The following IPO5 variants were observed in gnomAD, a reference collection of about 807,000 sequenced individuals.
The protein encoded by IPO5 is importin 5.
A neutral mutation model predicts 143.3 loss-of-function variants in IPO5; 18 were observed. The ratio of observed to expected loss-of-function variants is 0.13; its 90% confidence interval spans 0.09 to 0.19. The LOEUF (loss-of-function observed/expected upper bound fraction) is 0.19, where lower values mean the gene tolerates loss of function less well. IPO5 is among the 10% of genes least tolerant of loss of function. The pLI is 1.00. For missense variants in IPO5, 1,013 were observed against 1,336.9 expected (o/e 0.76, Z 3.78); for synonymous variants, 477 against 465.7 (o/e 1.02, Z -0.31).
intron 12 of IPO5, among the ~76,000 whole-genome samples, chr13:97,999,000 G>A (rs367598093): frequency 4.0e-5 from 6 of 151,898 alleles, no homozygotes; most frequent in South Asian, 2.1e-4. Flanking sequence ...AAAATTAGCC[G>A]GGCCTGGTGG....
chr13:98,015,670 T>TA, intron 23 of IPO5, 29 bp downstream of exon 23: 1 of 1,583,212 alleles, frequency 6.3e-7, no homozygotes, highest in Non-Finnish European at 8.6e-7. Context: ...TATTTCTGAA[T>TA]ATAATCCTTG....
intron 2 of IPO5, among the ~76,000 whole-genome samples, chr13:97,967,968 T>C (rs893098996): frequency 6.6e-6 from 1 of 151,998 alleles, no homozygotes; most frequent in Non-Finnish European, 1.5e-5. Context: ...TTTTTTTCAA[T>C]ATAGAGAAGG....
intron 2 of IPO5, among the ~76,000 whole-genome samples, chr13:97,966,435 T>C (rs1885343935): frequency 6.6e-6 from 1 of 152,220 alleles, no homozygotes; most frequent in African/African-American, 2.4e-5. Context: ...ACATTGATTT[T>C]CATATGTTAT....
At chr13:98,014,524 G>A (rs1889967406) in intron 22 of IPO5, among the ~76,000 whole-genome samples, 1 of 152,090 alleles carries the variant, frequency 6.6e-6, no homozygotes, top group African/African-American at 2.4e-5. Context: ...CAGAGTGCTG[G>A]GATTGCAGAT....
chr13:97,975,828 C>A, intron 3 of IPO5: 2 of 684,172 alleles, frequency 2.9e-6, no homozygotes, highest in Non-Finnish European at 1.8e-6. Flanking sequence ...AAGACGACCG[C>A]GGGCTGGGGA....
intron 28 of IPO5, 52 bp downstream of exon 28, chr13:98,021,185 TGTAGTCCTC>T: frequency 6.7e-7 from 1 of 1,501,918 alleles, no homozygotes; most frequent in Middle Eastern, 1.7e-4. Flanking sequence ...TTTTTTTCTT[TGTAGTCCTC>T]TATGAGAAGA....
rs756311803 is a variant in IPO5, at chr13:97,985,528, A to G, written c.279A>G (p.Leu93=). The G allele has an allele frequency of 1.2e-5, 20 of 1,613,878 alleles. No individual in the cohort carries two copies. The Middle Eastern group carries it at 6.6e-4, about 53-fold the overall frequency. ...SDVQTAIKSE[L]LMIIQMETQS... ...TTCAGACTGCCATCAAGAGTGAGCT[A>G]CTCATGATTATTCAGATGGAAACAC... is the stretch of plus-strand genomic sequence containing the variant. Residue 93 remains leucine, a synonymous_variant, in exon 6 of 29, where the codon CTA becomes CTG. Coordinates refer to ENST00000651721, the MANE Select transcript of IPO5 (RefSeq NM_002271.6).
chr13:97,955,609 T>C (rs906968558), intron 2 of IPO5, among the ~76,000 whole-genome samples: 4 of 152,106 alleles, frequency 2.6e-5, no homozygotes, highest in African/African-American at 7.2e-5. Flanking sequence ...CACAACCCAG[T>C]GACATAACCG....
intron 2 of IPO5, among the ~76,000 whole-genome samples, chr13:97,956,451 T>C (rs1936617906): frequency 6.6e-6 from 1 of 152,182 alleles, no homozygotes; most frequent in South Asian, 2.1e-4. Flanking sequence ...ATACCTTTGC[T>C]CTGCCAGAAA....
chr13:97,997,684 A>G (rs1324888754), intron 12 of IPO5, 66 bp downstream of exon 12: 8 of 893,630 alleles, frequency 9.0e-6, no homozygotes, highest in Middle Eastern at 2.2e-4. Context: ...TCTCTTCACT[A>G]TTGCACCCTG....
chr13:97,959,183 A>AG (rs1453051732), intron 2 of IPO5, among the ~76,000 whole-genome samples: 28 of 151,716 alleles, frequency 1.8e-4, no homozygotes, highest in African/African-American at 4.4e-4. Flanking sequence ...AAAAAAAAAA[A>AG]AGAGAGAGAA....
At position 98,021,731 on chromosome 13, in the gene IPO5, C is replaced by A; in HGVS notation, c.3208-5C>A. On this transcript the variant is annotated splice_region_variant and splice_polypyrimidine_tract_variant and intron_variant, in intron 28 of 28. Transcript: ENST00000651721. ...CTAAGTCTGTGAAAATGTTTCTTTC[C>A]CTAGACTTCTGGAGGACTGTGGACT... The A allele has an allele frequency of 1.3e-6, 2 of 1,519,608 alleles. No individual in the cohort carries two copies. The highest frequency in any genetic ancestry group is 1.3e-5 in the South Asian group (1 of 79,078). 94.1% of individuals were successfully genotyped at this position (1,519,608 alleles called of 1,614,324 possible).
At chr13:97,978,327 GT>G in intron 4 of IPO5, among the ~76,000 whole-genome samples, 1 of 152,230 alleles carries the variant, frequency 6.6e-6, no homozygotes, top group South Asian at 2.1e-4. Context: ...CATAAGTGAG[GT>G]TTTGGTCAGC....
At chr13:97,990,727 T>C (rs1338501114) in intron 9 of IPO5, among the ~76,000 whole-genome samples, 190 bp downstream of exon 9, 1 of 152,212 alleles carries the variant, frequency 6.6e-6, no homozygotes, top group Non-Finnish European at 1.5e-5. Context: ...TTTTAGTCTC[T>C]TACAATATTT....
chr13:97,990,069 C>G, intron 7 of IPO5, 57 bp from the exon 8 acceptor site: 2 of 1,046,886 alleles, frequency 1.9e-6, no homozygotes, highest in Admixed American at 3.6e-5. Context: ...CTAGCTCATA[C>G]TTTACCAAGA....
chr13:97,985,370 T>C (rs766901124), intron 5 of IPO5, 51 bp from the exon 6 acceptor site: 1 of 1,405,788 alleles, frequency 7.1e-7, no homozygotes, highest in Non-Finnish European at 1.0e-6. Context: ...AACAGTGAAA[T>C]ACATCAATGG....
intron 9 of IPO5, among the ~76,000 whole-genome samples, chr13:97,991,332 G>A (rs987976261): frequency 2.0e-5 from 3 of 152,186 alleles, no homozygotes; most frequent in Non-Finnish European, 4.4e-5. Context: ...AGACATAATA[G>A]ACTAGGTGGC....
At chr13:97,994,190 C>G (rs1888044863) in intron 11 of IPO5, among the ~76,000 whole-genome samples, 1 of 152,130 alleles carries the variant, frequency 6.6e-6, no homozygotes, top group South Asian at 2.1e-4. Flanking sequence ...CACCGGTAAT[C>G]CCAGCTACTC....
Position 98,002,460 on chromosome 13 carries a change from TC to T in IPO5, c.1109-6del. 6.2e-7 allele frequency: 1 copy of T among 1,613,554 alleles called. No homozygotes were observed. Among genetic ancestry groups the T allele is most frequent in the Non-Finnish European group, 8.5e-7 (1 of 1,179,788 alleles). ...ATTGCTATTCCATCTGTAATTTTTT[TC>T]GGTAGCTGACTGGAAATACCGGCAT... On this transcript the variant is annotated splice_polypyrimidine_tract_variant and splice_region_variant and intron_variant, in intron 13 of 28. Coordinates refer to ENST00000651721, the MANE Select transcript of IPO5 (RefSeq NM_002271.6).
Sources: gnomAD v4.1 joint callset for allele counts (sites outside exome capture counted in the v4.1 genomes callset) on GRCh38, gnomAD v4.1.1 for gene constraint, MANE v1.5 for transcripts, NCBI Gene and HGNC (gene_info 2026-07-23, HGNC 2026-07-21) for gene names.